The following VSIR variants were observed in gnomAD, a reference collection of about 807,000 sequenced individuals.
The protein encoded by VSIR is V-type immunoglobulin domain-containing suppressor of T-cell activation.
Under a neutral mutation model 31.0 loss-of-function variants are expected in VSIR, and 10 were observed. The observed-to-expected ratio is 0.32, with a 90% confidence interval of 0.20 to 0.55. The LOEUF (loss-of-function observed/expected upper bound fraction) is 0.55. Among genes scored for constraint, VSIR ranks in the 20% least tolerant of loss-of-function variants. The pLI is 0.93. For missense variants in VSIR, 356 were observed against 416.2 expected (o/e 0.86, Z 1.26); for synonymous variants, 179 against 180.1 (o/e 0.99, Z 0.05).
At chr10:71,759,888 TACACACACAC>T (rs1491280315) in intron 3 of VSIR, among the ~76,000 whole-genome samples, 26 of 29,922 alleles carry the variant, frequency 8.7e-4, no homozygotes, top group South Asian at 2.1e-3. Context: ...CACACACATA[TACACACACAC>T]ATATATACAC....
Position 71,773,394 on chromosome 10 carries a change from A to G in VSIR, c.46T>C (p.Ser16Pro). 6.2e-7 allele frequency: 1 copy of G among 1,610,170 alleles called. No individual in the cohort carries two copies. The highest frequency in any genetic ancestry group is 1.3e-5 in the African/African-American group (1 of 74,972). Residue 16 changes from serine to proline, a missense_variant, in exon 1 of 7, where the codon TCC becomes CCC. Ser to Pro is a moderately conservative substitution (Grantham distance 74, BLOSUM62 -1). Around this residue, in one of 2 missense-constraint regions of VSIR, gnomAD observed 166 missense variants for 231.0 expected, o/e 0.72. Transcript: ENST00000394957. Reference sequence around the variant, plus strand: ...GCCAGGAAGAGAGCGAAGAGCAGGGATCCCCAGCGCCAGCTGCCGGCCTCC... The same window carrying G: ...GCCAGGAAGAGAGCGAAGAGCAGGGGTCCCCAGCGCCAGCTGCCGGCCTCC... ...ALEAGSWRWG[S>P]LLFALFLAAS... is the part of the protein sequence containing the mutation.
chr10:71,753,115 C>T (rs972582588), intron 4 of VSIR, 113 bp from the exon 5 acceptor site: 34 of 1,272,604 alleles, frequency 2.7e-5, no homozygotes, highest in Non-Finnish European at 3.1e-5. Flanking sequence ...CCAGGAGGGC[C>T]CTGCACAGCT....
chr10:71,770,299 T>G (rs1051464538), intron 1 of VSIR, among the ~76,000 whole-genome samples: 27 of 152,368 alleles, frequency 1.8e-4, no homozygotes, highest in Admixed American at 1.8e-3. Context: ...TGGTATCATC[T>G]TCCCACTTTA....
At chr10:71,770,102 C>T (rs1244515029) in intron 1 of VSIR, among the ~76,000 whole-genome samples, 2 of 152,216 alleles carry the variant, frequency 1.3e-5, no homozygotes, top group Admixed American at 6.5e-5. Context: ...TGAAGCTCAC[C>T]AATGCCTTCC....
rs1840392715 is a variant in VSIR at position 71,761,761 on chromosome 10, G to A, written c.348C>T (p.Arg116=). 1.2e-6 allele frequency: 2 copies of A among 1,614,170 alleles called. No individual in the cohort carries two copies. Among genetic ancestry groups the A allele is most frequent in the Non-Finnish European group, 1.7e-6 (2 of 1,180,036 alleles). Residue 116 remains arginine, a synonymous_variant, in exon 2 of 7, where the codon CGC becomes CGT. Transcript: ENST00000394957. ...GGTCGGAGGCCGACTCCAGCCCGTG[G>A]CGCTGAGCCAGGTCGTGGCTGGTGT... is the stretch of plus-strand genomic sequence containing the variant. ...AANTSHDLAQ[R]HGLESASDHH...
chr10:71,770,289 T>C (rs1010968700), intron 1 of VSIR, among the ~76,000 whole-genome samples: 2 of 152,036 alleles, frequency 1.3e-5, no homozygotes, highest in Non-Finnish European at 2.9e-5. Flanking sequence ...CCAAGGGAGG[T>C]GGTATCATCT....
At chr10:71,754,311 A>C (rs1027291950) in intron 4 of VSIR, among the ~76,000 whole-genome samples, 1 of 150,082 alleles carries the variant, frequency 6.7e-6, no homozygotes, top group Admixed American at 6.6e-5. Context: ...CGAGTGACCC[A>C]CTATGGGGCT....
intron 4 of VSIR, 30 bp from the exon 5 acceptor site, chr10:71,753,032 A>G (rs755279974): frequency 4.3e-6 from 7 of 1,609,424 alleles, no homozygotes; most frequent in Middle Eastern, 3.3e-4. Flanking sequence ...GAAGCTGGTC[A>G]TGGAAGGGAA....
chr10:71,754,447 T>C (rs1239328080), intron 4 of VSIR, among the ~76,000 whole-genome samples: 1 of 151,852 alleles, frequency 6.6e-6, no homozygotes, highest in Non-Finnish European at 1.5e-5. Context: ...GTTACCTCTG[T>C]AGCCAGGCAG....
In VSIR at chr10:71,751,924, GC is replaced by G; in HGVS notation, c.705-64del. The G allele has an allele frequency of 6.7e-7, 1 of 1,482,778 alleles. No individual in the cohort carries two copies. Among genetic ancestry groups the G allele is most frequent in the Non-Finnish European group, 9.1e-7 (1 of 1,093,680 alleles). 91.9% of individuals were successfully genotyped at this position (1,482,778 alleles called of 1,614,324 possible). ...CCGGAGCGTGAACTCTGCCCTCCCT[GC>G]CCCCAGTTTTTCTCTCCTCCCTTTC... On this transcript the variant is annotated intron_variant, in intron 5 of 6. Coordinates refer to ENST00000394957, the MANE Select transcript of VSIR (RefSeq NM_022153.2). The surrounding 1 kb of genome is among the most constrained non-coding windows in gnomAD (Gnocchi z 4.9).
chr10:71,760,024 TATACACACACAC>T, intron 3 of VSIR, among the ~76,000 whole-genome samples: 1 of 95,082 alleles, frequency 1.1e-5, no homozygotes, highest in African/African-American at 3.7e-5. Flanking sequence ...CACACACATA[TATACACACACAC>T]ACATATATAC....
chr10:71,755,808 G>C lies in VSIR; in HGVS notation c.569-342C>G, dbSNP rs527824596. Among the ~76,000 whole-genome samples, 37 of 152,306 alleles carry C rather than the reference G, an allele frequency of 2.4e-4. 1 individual carries two copies. Among genetic ancestry groups the C allele is most frequent in the Admixed American group, 1.2e-3 (19 of 15,298 alleles). ...CTACAGGTTGTTCTCTGAAAAGGGA[G>C]AGCAGGGCCTTCGCAGACCCCATGC... is the stretch of plus-strand genomic sequence containing the variant. On this transcript the variant is annotated intron_variant, in intron 3 of 6. Coordinates refer to ENST00000394957, the MANE Select transcript of VSIR (RefSeq NM_022153.2).
In VSIR at chr10:71,751,323, C is replaced by A. The variant is rs1023622446; in HGVS notation, c.899-33G>T. On this transcript the variant is annotated intron_variant, in intron 6 of 6. Coordinates refer to ENST00000394957, the MANE Select transcript of VSIR (RefSeq NM_022153.2). This position sits in a 1 kb window ranked among gnomAD's most constrained non-coding sequence, Gnocchi z 4.9. ...AAAAGGAGAAGCAAAGTGAACGGGG[C>A]CCCTCTGCCCCTCACCCTCAACCCC... The A allele has an allele frequency of 1.9e-6, 3 of 1,598,584 alleles. No homozygotes were observed. Among genetic ancestry groups the A allele is most frequent in the African/African-American group, 2.7e-5 (2 of 74,604 alleles).
In VSIR at chr10:71,761,933, G is replaced by A; in HGVS notation, c.176C>T (p.Pro59Leu). 1 of 1,614,080 alleles carries A rather than the reference G, an allele frequency of 6.2e-7. No individual in the cohort carries two copies. The highest frequency in any genetic ancestry group is 8.5e-7 in the Non-Finnish European group (1 of 1,180,038). Residue 59 changes from proline (P) to leucine (L), a missense_variant, in exon 2 of 7, where the codon CCT becomes CTT. Around this residue, in one of 2 missense-constraint regions of VSIR, gnomAD observed 166 missense variants for 231.0 expected, o/e 0.72. Coordinates refer to ENST00000394957, the MANE Select transcript of VSIR (RefSeq NM_022153.2). ...NVTLTCRLLG[P>L]VDKGHDVTFY... is the part of the protein sequence containing the mutation. The stretch of plus-strand genomic sequence containing the variant: ...GGTCACATCGTGCCCTTTGTCCACA[G>A]GGCCCAAGAGCCTGCAGGTGAGGGT...
At position 71,760,171 on chromosome 10, in the gene VSIR, ATATATGTG is replaced by A. The variant is rs1206609119; in HGVS notation, c.568+689_568+696del. 3.0e-4 allele frequency among the ~76,000 whole-genome samples: 5 copies of A among 16,816 alleles called. 2 individuals carry two copies. The highest frequency in any genetic ancestry group is 1.7e-3 in the African/African-American group (5 of 2,898). 11.0% of individuals were successfully genotyped at this position (16,816 alleles called of 152,430 possible). Reference sequence around the variant, plus strand: ...TGTGTGTATATATATGTATATACATATATATGTGTGTATATATATGTATATACATATAT... The same window carrying A: ...TGTGTGTATATATATGTATATACATATGTATATATATGTATATACATATAT... On this transcript the variant is annotated intron_variant, in intron 3 of 6. Coordinates refer to ENST00000394957, the MANE Select transcript of VSIR (RefSeq NM_022153.2).
chr10:71,752,918 C>G, intron 5 of VSIR, 57 bp downstream of exon 5: 1 of 1,592,620 alleles, frequency 6.3e-7, no homozygotes, highest in Non-Finnish European at 8.6e-7. Flanking sequence ...ACAGAAGTAT[C>G]TCTTCCTGGA....
At position 71,748,558 on chromosome 10, in the gene VSIR, G is replaced by A. The variant is rs1839910311; in HGVS notation, c.*2695C>T. On this transcript the variant is annotated 3_prime_UTR_variant, in exon 7 of 7. Coordinates refer to ENST00000394957, the MANE Select transcript of VSIR (RefSeq NM_022153.2). ...TTAAACTGTGAATGTCAGGAGATAG[G>A]TAAGATGGCCCCTAATTCCTGATTG... The A allele has an allele frequency of 6.6e-6, 1 of 152,384 alleles. No homozygotes were observed. Among genetic ancestry groups the A allele is most frequent in the Non-Finnish European group, 1.5e-5 (1 of 68,038 alleles). The allele number at this position is 152,384 out of a possible 1,614,324, so 9.4% of individuals were successfully genotyped here. A position where few individuals can be genotyped will look rare whatever the true frequency, so the allele number is the denominator to read the frequency against.
At chr10:71,755,917 T>C (rs902516047) in intron 3 of VSIR, among the ~76,000 whole-genome samples, 1 of 152,214 alleles carries the variant, frequency 6.6e-6, no homozygotes, top group African/African-American at 2.4e-5. Context: ...GTGAATGTAA[T>C]TAATGCCACC....
chr10:71,763,855 T>C (rs1019795860), intron 1 of VSIR, among the ~76,000 whole-genome samples: 1 of 152,168 alleles, frequency 6.6e-6, no homozygotes, highest in Non-Finnish European at 1.5e-5. Flanking sequence ...AGCTTTAAAG[T>C]CTTTCCTGCT....
Sources: allele counts gnomAD v4.1 joint callset (sites outside exome capture counted in the v4.1 genomes callset), GRCh38; gene constraint gnomAD v4.1.1; regional missense constraint gnomAD v4.1.1; non-coding constraint Gnocchi (gnomAD v3.1); transcripts MANE v1.5; gene names NCBI Gene and HGNC (gene_info 2026-07-23, HGNC 2026-07-21).